CPNE4: variants seen among roughly 807,000 people sequenced by gnomAD.
CPNE4 encodes the protein copine 4, also known as copine-4.
Under a neutral mutation model 67.9 loss-of-function variants are expected in CPNE4, and 25 were observed. The observed-to-expected ratio is 0.37, with a 90% CI of 0.27 to 0.51. CPNE4 has a LOEUF of 0.51. Ranked by LOEUF, CPNE4 falls within the 20% of genes least tolerant of loss-of-function variation. The pLI is 0.93. For missense variants in CPNE4, 464 were observed against 690.8 expected (o/e 0.67, Z 3.68); for synonymous variants, 242 against 244.9 (o/e 0.99, Z 0.11).
At chr3:131,588,677 C>G (rs570820164) in intron 7 of CPNE4, among the ~76,000 whole-genome samples, 2 of 151,988 alleles carry the variant, frequency 1.3e-5, no homozygotes, top group Non-Finnish European at 2.9e-5. Flanking sequence ...AAATTTATTC[C>G]TACTCATTTA....
intron 1 of CPNE4, among the ~76,000 whole-genome samples, chr3:131,988,160 T>A (rs566403239): frequency 3.9e-5 from 6 of 152,194 alleles, no homozygotes; most frequent in Non-Finnish European, 8.8e-5. Flanking sequence ...ATATATTTAC[T>A]CATCCCAAAT....
chr3:131,581,763 GA>G, intron 8 of CPNE4, 98 bp from the exon 9 acceptor site: 1 of 816,856 alleles, frequency 1.2e-6, no homozygotes, highest in South Asian at 1.4e-5. Context: ...AACTGAACTG[GA>G]GGGCTGACAA....
chr3:131,544,993 G>A (rs1935747635), intron 14 of CPNE4, among the ~76,000 whole-genome samples: 3 of 152,178 alleles, frequency 2.0e-5, no homozygotes, highest in African/African-American at 7.2e-5. Context: ...CTTTAGAGTC[G>A]TAATGTTCTA....
At chr3:131,910,591 G>A (rs984000497) in intron 1 of CPNE4, among the ~76,000 whole-genome samples, 9 of 152,174 alleles carry the variant, frequency 5.9e-5, no homozygotes, top group Non-Finnish European at 1.2e-4. Context: ...CTTAAGGAAA[G>A]AGGTTCAGCC....
Position 131,887,248 on chromosome 3 carries a change from G to A in CPNE4, c.180+18016C>T, listed in dbSNP as rs9811596. ...CTAGGGTTTCTGCTTTTGCGTCTTC[G>A]TCATTCTCTCTTTGCCTGCCACCAT... On this transcript the variant is annotated intron_variant, in intron 2 of 15. Coordinates refer to ENST00000429747, the MANE Select transcript of CPNE4 (RefSeq NM_130808.3). 8.0e-4 allele frequency among the ~76,000 whole-genome samples: 121 copies of A among 152,008 alleles called. 1 individual carries two copies. The South Asian group carries it at 8.5e-3, about 11-fold the overall frequency.
intron 2 of CPNE4, among the ~76,000 whole-genome samples, chr3:131,733,883 T>C (rs1220021249): frequency 6.6e-6 from 1 of 152,200 alleles, no homozygotes; most frequent in Non-Finnish European, 1.5e-5. Flanking sequence ...GAAGAGGAAC[T>C]CATCTGCGGG....
intron 2 of CPNE4, among the ~76,000 whole-genome samples, chr3:131,810,752 T>A (rs2084493407): frequency 6.6e-6 from 1 of 152,148 alleles, no homozygotes; most frequent in Admixed American, 6.5e-5. Context: ...ATTGCAGCAT[T>A]GTTCACAGTA....
chr3:131,888,928 T>C (rs1263930460), intron 2 of CPNE4, among the ~76,000 whole-genome samples: 6 of 152,176 alleles, frequency 3.9e-5, no homozygotes, highest in Non-Finnish European at 7.4e-5. Flanking sequence ...AATACTTGGG[T>C]TGGCCAGCAG....
At chr3:131,957,397 G>T in intron 1 of CPNE4, among the ~76,000 whole-genome samples, 1 of 152,216 alleles carries the variant, frequency 6.6e-6, no homozygotes, top group Non-Finnish European at 1.5e-5. Context: ...CCAGTAAGGA[G>T]ATGCTTGTTA....
chr3:131,924,515 A>G, intron 1 of CPNE4, among the ~76,000 whole-genome samples: 1 of 152,198 alleles, frequency 6.6e-6, no homozygotes, highest in East Asian at 1.9e-4. Context: ...TGCTGCACCC[A>G]GGAATCACTT....
chr3:131,798,064 G>A (rs2083968501), intron 2 of CPNE4, among the ~76,000 whole-genome samples: 1 of 152,106 alleles, frequency 6.6e-6, no homozygotes, highest in South Asian at 2.1e-4. Flanking sequence ...AAGGGCACCA[G>A]CCCTATCAGA....
intron 7 of CPNE4, among the ~76,000 whole-genome samples, chr3:131,654,592 T>C (rs1370502808): frequency 6.6e-6 from 1 of 152,188 alleles, no homozygotes; most frequent in Non-Finnish European, 1.5e-5. Context: ...GCATTCCTAC[T>C]TGTGCACTGG....
At chr3:131,934,023 C>T (rs2107836854) in intron 1 of CPNE4, among the ~76,000 whole-genome samples, 1 of 152,072 alleles carries the variant, frequency 6.6e-6, no homozygotes, top group East Asian at 1.9e-4. Context: ...AAAAATATGC[C>T]TACGTTTATA....
chr3:131,819,123 C>G (rs1184049422), intron 2 of CPNE4, among the ~76,000 whole-genome samples: 1 of 151,972 alleles, frequency 6.6e-6, no homozygotes, highest in East Asian at 1.9e-4. Context: ...ACAAACAAAC[C>G]AGGCTTCAGA....
intron 1 of CPNE4, among the ~76,000 whole-genome samples, chr3:132,001,550 A>AAGAGAAAGAAAGAAAGAAAG (rs2073435522): frequency 7.8e-6 from 1 of 127,718 alleles, no homozygotes; most frequent in African/African-American, 3.0e-5. Context: ...GACAAAGAAA[A>AAGAGAAAGAAAGAAAGAAAG]AAGAGAAAGA....
intron 3 of CPNE4, 81 bp from the exon 4 acceptor site, chr3:131,700,061 T>C (rs1285660562): frequency 4.2e-6 from 3 of 719,892 alleles, no homozygotes; most frequent in Admixed American, 3.3e-5. Flanking sequence ...AACCTTTTTT[T>C]TTTTTTTTTT....
Position 131,815,500 on chromosome 3 carries a change from G to A in CPNE4, c.180+89764C>T, listed in dbSNP as rs116764338. 2.9e-3 allele frequency among the ~76,000 whole-genome samples: 443 copies of A among 152,300 alleles called. 3 individuals carry two copies. The highest frequency in any genetic ancestry group is 0.01 in the African/African-American group (433 of 41,562). On this transcript the variant is annotated intron_variant, in intron 2 of 15. Transcript: ENST00000429747. ...CCTCTTGATAACATTTAGAGCAATG[G>A]AAGTTTTAGTATGTCATGGAGTACT...
intron 2 of CPNE4, among the ~76,000 whole-genome samples, chr3:131,876,011 T>A (rs1011223746): frequency 6.6e-6 from 1 of 152,134 alleles, no homozygotes; most frequent in African/African-American, 2.4e-5. Context: ...AAATGAGCCA[T>A]CTTTCTAGAG....
intron 2 of CPNE4, among the ~76,000 whole-genome samples, chr3:131,832,767 T>C (rs2085422726): frequency 6.6e-6 from 1 of 152,160 alleles, no homozygotes; most frequent in South Asian, 2.1e-4. Context: ...GACATTTAAA[T>C]GAGACTTTAG....
Sources: gnomAD v4.1 joint callset for allele counts (sites outside exome capture counted in the v4.1 genomes callset) on GRCh38, gnomAD v4.1.1 for gene constraint, MANE v1.5 for transcripts, NCBI Gene and HGNC (gene_info 2026-07-23, HGNC 2026-07-21) for gene names.